NKIRAS1: variants seen among roughly 807,000 people sequenced by gnomAD.
The protein encoded by NKIRAS1 is NFKB inhibitor interacting Ras like 1, also known as NF-kappa-B inhibitor-interacting Ras-like protein 1.
Under a neutral mutation model 19.8 loss-of-function variants are expected in NKIRAS1, and 16 were observed. The observed-to-expected ratio is 0.81, with a 90% CI of 0.55 to 1.23. The LOEUF is 1.23. Ranked by LOEUF, NKIRAS1 falls within the 50% of genes most tolerant of loss-of-function variation. NKIRAS1 has a pLI of 0.00. For missense variants in NKIRAS1, 184 were observed against 220.0 expected, an observed-to-expected ratio of 0.84 and a Z score of 1.04; for synonymous variants, 88 against 79.0, an observed-to-expected ratio of 1.11 and a Z score of -0.61.
At position 23,946,030 on chromosome 3, in the gene NKIRAS1, GGCGC is replaced by G. The variant is rs561849691; in HGVS notation, c.-140+289_-140+292del. Reference sequence around the variant, plus strand: ...GGCCGCAGGGACACGTGGGGGCGGGGGCGCGCGCGCGCGCGCTGGCTGGGAGCGC... The same window carrying G: ...GGCCGCAGGGACACGTGGGGGCGGGGGCGCGCGCGCGCTGGCTGGGAGCGC... On this transcript the variant is annotated intron_variant, in intron 1 of 4. Coordinates refer to the NKIRAS1 transcript ENST00000421515. 1.5e-4 allele frequency: 123 copies of G among 844,640 alleles called. No homozygotes were observed. The South Asian group carries it at 2.7e-3, about 18-fold the overall frequency. The allele number at this position is 844,640 out of a possible 1,614,324, so 52.3% of individuals were successfully genotyped here.
At chr3:23,912,862 T>C (rs966850572) in intron 1 of NKIRAS1, among the ~76,000 whole-genome samples, 2 of 152,046 alleles carry the variant, frequency 1.3e-5, no homozygotes, top group African/African-American at 2.4e-5. Flanking sequence ...CTCATGCCTG[T>C]AATCCCAGCA....
chr3:23,911,962 CTA>C (rs1357245485), intron 1 of NKIRAS1, among the ~76,000 whole-genome samples: 2 of 151,982 alleles, frequency 1.3e-5, no homozygotes, highest in Non-Finnish European at 2.9e-5. Context: ...CGGGGTTTCA[CTA>C]TGTTGGCCAG....
upstream of NKIRAS1, chr3:23,919,700 TCTTTG>T: frequency 3.6e-6 from 5 of 1,385,082 alleles, no homozygotes; most frequent in African/African-American, 1.4e-5. Flanking sequence ...AACTTTTTTG[TCTTTG>T]CTTTATCTTA....
In NKIRAS1 at chr3:23,890,060, G is replaced by A. The variant is rs1340724208; in HGVS notation, c.*3035C>T. Reference sequence around the variant, plus strand: ...CTGGCAACCTGGCTCTTTAACCAGCGTAAAGGTTAATAGTGTTGCACTGCA... The same window carrying A: ...CTGGCAACCTGGCTCTTTAACCAGCATAAAGGTTAATAGTGTTGCACTGCA... On this transcript the variant is annotated 3_prime_UTR_variant, in exon 5 of 5. Coordinates refer to ENST00000425478, the MANE Select transcript of NKIRAS1 (RefSeq NM_020345.4). 2.6e-5 allele frequency among the ~76,000 whole-genome samples: 4 copies of A among 152,214 alleles called. No homozygotes were observed. Among genetic ancestry groups the A allele is most frequent in the South Asian group, 2.1e-4 (1 of 4,822 alleles).
chr3:23,900,989 C>A lies in NKIRAS1; in HGVS notation c.155G>T (p.Gly52Val). The change falls in exon 4 of 5, where the codon GGA becomes GTA. Residue 52 changes from glycine to valine, a missense_variant. Physicochemically the swap from Gly to Val is moderately radical, Grantham distance 109. Transcript: ENST00000425478. ...VYMASVETDRGVKEQLHLYDT... is the reference protein window; with the variant it reads ...VYMASVETDRVVKEQLHLYDT... ...ATAAAGATGTAACTGTTCTTTTACT[C>A]CTCGGTCTGTTTCTACTGAAGCCAT... is the stretch of plus-strand genomic sequence containing the variant. The A allele has an allele frequency of 6.2e-7, 1 of 1,614,104 alleles. No individual in the cohort carries two copies. Among genetic ancestry groups the A allele is most frequent in the Non-Finnish European group, 8.5e-7 (1 of 1,179,990 alleles).
In NKIRAS1 at chr3:23,927,870, G is replaced by A. The variant is rs962325838; in HGVS notation, c.-139-16420C>T. On this transcript the variant is annotated intron_variant, in intron 1 of 4. Transcript: ENST00000421515. This position sits in a 1 kb window ranked among gnomAD's most constrained non-coding sequence, Gnocchi z 4.0. Reference sequence around the variant, plus strand: ...AAAGTGGGAGGACTGCTTGAGCCCAGGAGTTCCAGACCAGCCTGGGCAACA... The same window carrying A: ...AAAGTGGGAGGACTGCTTGAGCCCAAGAGTTCCAGACCAGCCTGGGCAACA... Among the ~76,000 whole-genome samples, 2 of 152,164 alleles carry A rather than the reference G, an allele frequency of 1.3e-5. No homozygotes were observed. The highest frequency in any genetic ancestry group is 2.9e-5 in the Non-Finnish European group (2 of 68,030).
Position 23,890,716 on chromosome 3 carries a change from A to T in NKIRAS1, c.*2379T>A. ...TTGGTAAAGAGTAGGGTATTTCTAT[A>T]ACAGATATTATTCAGTCTTATTTCC... On this transcript the variant is annotated 3_prime_UTR_variant, in exon 5 of 5. Transcript: ENST00000425478. 2 of 916,454 alleles carry T rather than the reference A, an allele frequency of 2.2e-6. No homozygotes were observed. Among genetic ancestry groups the T allele is most frequent in the Non-Finnish European group, 3.1e-6 (2 of 635,942 alleles). 56.8% of individuals were successfully genotyped at this position (916,454 alleles called of 1,614,324 possible).
At chr3:23,933,086 A>G (rs1705343513) in intron 1 of NKIRAS1, among the ~76,000 whole-genome samples, 1 of 152,182 alleles carries the variant, frequency 6.6e-6, no homozygotes, top group Admixed American at 6.5e-5. Context: ...TGAGAGCCAG[A>G]GATCGATGGC....
In NKIRAS1 at chr3:23,927,416, G is replaced by T. The variant is rs568726851; in HGVS notation, c.-139-15966C>A. On this transcript the variant is annotated intron_variant, in intron 1 of 4. Coordinates refer to the NKIRAS1 transcript ENST00000421515. This position sits in a 1 kb window ranked among gnomAD's most constrained non-coding sequence, Gnocchi z 4.0. Reference sequence around the variant, plus strand: ...TGCGAAGGTGCTATAGTTGGCTTGTGACATTAAACCTCATAATCAAAGCAT... The same window carrying T: ...TGCGAAGGTGCTATAGTTGGCTTGTTACATTAAACCTCATAATCAAAGCAT... Among the ~76,000 whole-genome samples, 1 of 152,316 alleles carries T rather than the reference G, an allele frequency of 6.6e-6. No homozygotes were observed. Among genetic ancestry groups the T allele is most frequent in the South Asian group, 2.1e-4 (1 of 4,822 alleles).
chr3:23,910,156 C>A lies in NKIRAS1; in HGVS notation c.94+655G>T, dbSNP rs113274054. Among the ~76,000 whole-genome samples the A allele has an allele frequency of 1.0e-3, 98 of 96,558 alleles. 1 individual carries two copies. The highest frequency in any genetic ancestry group is 3.5e-3 in the East Asian group (11 of 3,124). The allele number at this position is 96,558 out of a possible 152,430, so 63.3% of individuals were successfully genotyped here. A position where few individuals can be genotyped will look rare whatever the true frequency, so the allele number is the denominator to read the frequency against. ...ACTGGTGTGAGCCACTGCGCTCGGC[C>A]TTTTTTTTTTTTTTTTTTTGAGACA... On this transcript the variant is annotated intron_variant, in intron 3 of 4. Transcript: ENST00000425478.
rs148321857 is a variant in NKIRAS1, at chr3:23,893,221, A to G, written c.453T>C (p.Val151=). ...GTTCAATCAGAGTTTTCCGATCTGT[A>G]ACAGTCACCTCCCACAGTCTTACTT... ...SEKVRLWEVT[V]TDRKTLIEPF... Residue 151 remains valine, a synonymous_variant, in exon 5 of 5, where the codon GTT becomes GTC. Transcript: ENST00000425478. The G allele has an allele frequency of 6.2e-7, 1 of 1,614,014 alleles. No individual in the cohort carries two copies. The highest frequency in any genetic ancestry group is 1.3e-5 in the African/African-American group (1 of 74,930).
At chr3:23,923,250 T>G (rs1705146536) in intron 1 of NKIRAS1, 1 of 150,822 alleles carries the variant, frequency 6.6e-6, no homozygotes, top group African/African-American at 2.4e-5. Context: ...GATGTAGTTT[T>G]GCTCTTATAG....
At chr3:23,929,236 C>T (rs1377252612) in intron 1 of NKIRAS1, among the ~76,000 whole-genome samples, 3 of 148,286 alleles carry the variant, frequency 2.0e-5, no homozygotes, top group African/African-American at 5.0e-5. Flanking sequence ...TGGTGGCAGG[C>T]GCCTGTAATC....
At chr3:23,940,291 G>C (rs1390693282) in intron 1 of NKIRAS1, among the ~76,000 whole-genome samples, 1 of 151,424 alleles carries the variant, frequency 6.6e-6, no homozygotes, top group African/African-American at 2.4e-5. Context: ...GCTGTAATAA[G>C]TTATATGATT....
chr3:23,935,792 C>T (rs1705381291), intron 1 of NKIRAS1, among the ~76,000 whole-genome samples: 1 of 151,976 alleles, frequency 6.6e-6, no homozygotes, highest in Non-Finnish European at 1.5e-5. Context: ...AGTAAAGGCT[C>T]ATGGTCAGGC....
intron 1 of NKIRAS1, among the ~76,000 whole-genome samples, chr3:23,931,374 A>T (rs1705312377): frequency 1.3e-5 from 2 of 152,130 alleles, no homozygotes; most frequent in African/African-American, 2.4e-5. Context: ...CCTGTTCTGC[A>T]TTGACGTTCT....
upstream of NKIRAS1, chr3:23,917,603 C>G (rs1704704633): frequency 2.3e-6 from 1 of 440,570 alleles, no homozygotes; most frequent in South Asian, 3.0e-5. Flanking sequence ...GTGCTCAGTT[C>G]TGGTTCTGTT....
At chr3:23,917,851 T>C, upstream of NKIRAS1, 2 of 1,607,506 alleles carry the variant, frequency 1.2e-6, no homozygotes, top group Non-Finnish European at 1.7e-6. Context: ...ATTTCACAGG[T>C]AAGCCAAGAT....
intron 2 of NKIRAS1, 123 bp from the exon 3 acceptor site, chr3:23,911,044 G>C: frequency 1.4e-6 from 1 of 721,644 alleles, no homozygotes; most frequent in East Asian, 2.7e-5. Context: ...TACAGAAAAG[G>C]AGATATAGAA....
Sources: allele counts gnomAD v4.1 joint callset (sites outside exome capture counted in the v4.1 genomes callset), GRCh38; gene constraint gnomAD v4.1.1; non-coding constraint Gnocchi (gnomAD v3.1); transcripts MANE v1.5; gene names NCBI Gene and HGNC (gene_info 2026-07-23, HGNC 2026-07-21).